Variants in EPS15L1 observed in about 807,000 individuals in gnomAD.
EPS15L1 encodes the protein epidermal growth factor receptor pathway substrate 15 like 1.
A neutral mutation model predicts 117.1 loss-of-function variants in EPS15L1; 43 were observed. That is an observed-to-expected ratio of 0.37 (90% CI 0.29 to 0.47). EPS15L1 has a LOEUF of 0.47. EPS15L1 is among the 20% of genes least tolerant of loss of function. The pLI, the probability that EPS15L1 is intolerant of heterozygous loss-of-function variation, is 0.99. For synonymous variants in EPS15L1, 459 were observed against 470.5 expected (o/e 0.98, Z 0.32); for missense variants, 981 against 1,164.0 (o/e 0.84, Z 2.29).
At chr19:16,457,008 T>C (rs1027224518) in intron 1 of EPS15L1, among the ~76,000 whole-genome samples, 1 of 151,454 alleles carries the variant, frequency 6.6e-6, no homozygotes, top group Non-Finnish European at 1.5e-5. Context: ...GCATATGAGA[T>C]GGTAAACGGC....
At chr19:16,361,714 A>G in intron 23 of EPS15L1, 65 bp downstream of exon 23, 5 of 1,526,768 alleles carry the variant, frequency 3.3e-6, no homozygotes, top group Non-Finnish European at 4.4e-6. Context: ...AAAGGAGACA[A>G]AAATCCCAGG....
chr19:16,460,309 TTC>T (rs1378605630), intron 1 of EPS15L1, among the ~76,000 whole-genome samples: 1 of 152,160 alleles, frequency 6.6e-6, no homozygotes, highest in African/African-American at 2.4e-5. Context: ...GTTTCACCAA[TTC>T]TCTTAGTCTC....
At chr19:16,450,822 T>C (rs1390494309) in intron 1 of EPS15L1, among the ~76,000 whole-genome samples, 2 of 151,716 alleles carry the variant, frequency 1.3e-5, no homozygotes, top group African/African-American at 4.8e-5. Flanking sequence ...AAGGTGGTCA[T>C]TTGGGTCCCC....
At position 16,355,725 on chromosome 19, in the gene EPS15L1, C is replaced by T. The variant is rs1210479544; in HGVS notation, c.2713G>A (p.Ala905Thr). The change falls in exon 24 of 24, where the codon GCT becomes ACT. Residue 905 changes from alanine (A) to threonine (T), a missense_variant. Ala to Thr is a moderately conservative substitution (Grantham distance 58). Coordinates refer to ENST00000455140, the MANE Select transcript of EPS15L1 (RefSeq NM_001258374.3). ...CTCGCCTAGGCGGCAGGCATGTCAG[C>T]CTTGCTGAGCGCGATGGCCAGTTCC... Reference protein sequence around the residue: ...DLELAIALSKADMPAA With the variant: ...DLELAIALSKTDMPAA 6.5e-7 allele frequency: 1 copy of T among 1,535,896 alleles called. No individual in the cohort carries two copies. Among genetic ancestry groups the T allele is most frequent in the African/African-American group, 1.4e-5 (1 of 73,188 alleles).
chr19:16,418,576 G>A (rs966876154), intron 10 of EPS15L1, among the ~76,000 whole-genome samples: 1 of 152,166 alleles, frequency 6.6e-6, no homozygotes, highest in Non-Finnish European at 1.5e-5. Flanking sequence ...ACTTTGGGGT[G>A]TCATCATGAT....
At chr19:16,443,320 G>T (rs1234137511) in intron 1 of EPS15L1, among the ~76,000 whole-genome samples, 2 of 152,176 alleles carry the variant, frequency 1.3e-5, no homozygotes, top group African/African-American at 2.4e-5. Flanking sequence ...AAACCAGGGG[G>T]ACGTAGACTC....
intron 1 of EPS15L1, among the ~76,000 whole-genome samples, chr19:16,446,227 C>T (rs188261111): frequency 7.6e-4 from 116 of 152,226 alleles, no homozygotes; most frequent in African/African-American, 1.3e-3. Flanking sequence ...AGAACCACCT[C>T]GGAGGAGAAA....
At chr19:16,377,277 G>C in intron 21 of EPS15L1, 23 bp from the exon 22 acceptor site, 2 of 1,606,792 alleles carry the variant, frequency 1.2e-6, no homozygotes, top group Non-Finnish European at 1.7e-6. Flanking sequence ...ACATGAAAGA[G>C]AGGCAAAAAT....
chr19:16,444,768 C>A (rs1176408696), intron 1 of EPS15L1, among the ~76,000 whole-genome samples: 1 of 151,462 alleles, frequency 6.6e-6, no homozygotes, highest in African/African-American at 2.4e-5. Context: ...GTTCTGTCAC[C>A]CAAGCTGGAG....
At position 16,456,526 on chromosome 19, in the gene EPS15L1, G is replaced by A. The variant is rs542591226; in HGVS notation, c.34-14307C>T. On this transcript the variant is annotated intron_variant, in intron 1 of 23. Transcript: ENST00000455140. ...ATAAAAATTAGCTGGGCGTGGTGGC[G>A]GGTACCTGTAATCTCAGCTACTTGG... 2.6e-5 allele frequency among the ~76,000 whole-genome samples: 4 copies of A among 151,764 alleles called. No homozygotes were observed. In the East Asian group the frequency reaches 5.9e-4, roughly 22 times the overall value.
intron 1 of EPS15L1, among the ~76,000 whole-genome samples, chr19:16,449,802 A>G (rs1281546380): frequency 6.6e-6 from 1 of 152,216 alleles, no homozygotes; most frequent in African/African-American, 2.4e-5. Context: ...CACACCATGG[A>G]ATACTACTCA....
intron 1 of EPS15L1, among the ~76,000 whole-genome samples, chr19:16,462,815 T>C (rs1047649607): frequency 2.0e-5 from 3 of 152,130 alleles, no homozygotes; most frequent in African/African-American, 7.2e-5. Flanking sequence ...GTACAGCCAG[T>C]CAGAGAGGCT....
chr19:16,437,918 G>A, intron 4 of EPS15L1, 53 bp from the exon 5 acceptor site: 1 of 1,381,530 alleles, frequency 7.2e-7, no homozygotes, highest in Non-Finnish European at 1.0e-6. Flanking sequence ...AGTGAGGGTA[G>A]GGGGAGCTGT....
chr19:16,420,197 C>T (rs1037951153), intron 10 of EPS15L1, among the ~76,000 whole-genome samples: 6 of 152,204 alleles, frequency 3.9e-5, no homozygotes, highest in Admixed American at 2.0e-4. Context: ...CTTTGCTGCC[C>T]GCATGGAATG....
intron 8 of EPS15L1, among the ~76,000 whole-genome samples, chr19:16,427,737 CA>C (rs1267924327): frequency 6.6e-6 from 1 of 151,586 alleles, no homozygotes; most frequent in Non-Finnish European, 1.5e-5. Context: ...ATCAAAAATA[CA>C]AAAAAATTAT....
intron 1 of EPS15L1, among the ~76,000 whole-genome samples, chr19:16,467,150 CT>C (rs958708091): frequency 3.3e-3 from 460 of 140,462 alleles, no homozygotes; most frequent in Middle Eastern, 7.5e-3. Context: ...CTTTTCTTTT[CT>C]TTTTTTTTTT....
In EPS15L1 at chr19:16,425,223, C is replaced by G. The variant is rs377090366; in HGVS notation, c.652G>C (p.Val218Leu). The change falls in exon 9 of 24, where the codon GTG (valine) becomes CTG (leucine). Residue 218 changes from valine to leucine, a missense_variant. Around this residue, in one of 5 missense-constraint regions of EPS15L1, gnomAD observed 819 missense variants for 949.0 expected, o/e 0.86. Coordinates refer to ENST00000455140, the MANE Select transcript of EPS15L1 (RefSeq NM_001258374.3). ...AGGACGGGGACGGCGCCAGGGAACA[C>G]AGTCTTCTTTCTCTTGGAGGGTGGG... ...LIPPSKRKKTVFPGAVPVLPA... is the reference protein window; with the variant it reads ...LIPPSKRKKTLFPGAVPVLPA... 1.9e-6 allele frequency: 3 copies of G among 1,594,990 alleles called. No individual in the cohort carries two copies. In the African/African-American group the frequency reaches 4.0e-5, roughly 21 times the overall value.
chr19:16,407,818 G>A (rs545153169), intron 13 of EPS15L1, among the ~76,000 whole-genome samples: 19 of 152,206 alleles, frequency 1.2e-4, no homozygotes, highest in South Asian at 2.1e-4. Flanking sequence ...TCATTGCTCC[G>A]TCAGGCCACA....
intron 16 of EPS15L1, chr19:16,401,542 T>C: frequency 1.0e-6 from 1 of 985,672 alleles, no homozygotes; most frequent in Non-Finnish European, 1.2e-6. Context: ...GCCCGGCCCA[T>C]CCGCTCCCGG....
Sources: allele counts gnomAD v4.1 joint callset (sites outside exome capture counted in the v4.1 genomes callset), GRCh38; gene constraint gnomAD v4.1.1; regional missense constraint gnomAD v4.1.1; transcripts MANE v1.5; gene names NCBI Gene and HGNC (gene_info 2026-07-23, HGNC 2026-07-21).